The following TMEM74B variants were observed in gnomAD, a reference collection of about 807,000 sequenced individuals.
TMEM74B encodes the protein transmembrane protein 74B, also known as transmembrane protein C20orf46.
Under a neutral mutation model 6.5 loss-of-function variants are expected in TMEM74B, and 7 were observed. The observed-to-expected ratio is 1.07, with a 90% CI of 0.61 to 2.01. The LOEUF (loss-of-function observed/expected upper bound fraction) is 2.01. Among genes scored for constraint, TMEM74B ranks in the 30% most tolerant of loss-of-function variants. The pLI, the probability that TMEM74B is intolerant of heterozygous loss-of-function variation, is 0.00. For missense variants in TMEM74B, 342 were observed against 337.0 expected, an observed-to-expected ratio of 1.01 and a Z score of -0.12; for synonymous variants, 151 against 151.6, an observed-to-expected ratio of 1.00 and a Z score of 0.03.
At chr20:1,188,524 A>G (rs1171298196), upstream of TMEM74B, among the ~76,000 whole-genome samples, 1 of 149,656 alleles carries the variant, frequency 6.7e-6, no homozygotes, top group African/African-American at 2.5e-5. Flanking sequence ...CACACACTCT[A>G]CACACACACT....
chr20:1,188,965 G>A (rs2087048448), upstream of TMEM74B, among the ~76,000 whole-genome samples: 1 of 111,618 alleles, frequency 9.0e-6, no homozygotes, highest in African/African-American at 3.5e-5. Flanking sequence ...TTCCAAGAGT[G>A]TTTTATGGAA....
In TMEM74B at chr20:1,181,072, G is replaced by C. The variant is rs1431690633; in HGVS notation, c.547C>G (p.Leu183Val). The C allele has an allele frequency of 6.2e-7, 1 of 1,613,876 alleles. No individual in the cohort carries two copies. The highest frequency in any genetic ancestry group is 2.2e-5 in the East Asian group (1 of 44,870). The change falls in exon 3 of 3, where the codon CTG becomes GTG. Residue 183 changes from leucine to valine, a missense_variant. Leu to Val is a conservative substitution (Grantham distance 32). Transcript: ENST00000429036. The surrounding 1 kb of genome is among the most constrained non-coding windows in gnomAD (Gnocchi z 4.9). ...AAGAGCATGCCGCCCACCGTGAGCA[G>C]CCCGAGGCCTGCGATGATGCACCTG... is the stretch of plus-strand genomic sequence containing the variant. ...LDRCIIAGLG[L>V]LTVGGMLLSV...
At chr20:1,185,655 C>T (rs906760411), upstream of TMEM74B, among the ~76,000 whole-genome samples, 1 of 152,000 alleles carries the variant, frequency 6.6e-6, no homozygotes, top group East Asian at 1.9e-4. Flanking sequence ...ATCGCCGGCG[C>T]CTGGGCTTAG....
At chr20:1,188,036 G>T (rs1016943510), upstream of TMEM74B, among the ~76,000 whole-genome samples, 4 of 152,116 alleles carry the variant, frequency 2.6e-5, no homozygotes, top group Non-Finnish European at 2.9e-5. Context: ...TGACCCCTGA[G>T]GAGGAGGCTA....
intron 2 of TMEM74B, among the ~76,000 whole-genome samples, chr20:1,182,169 A>AG (rs767512984): frequency 1.0e-5 from 1 of 99,834 alleles, no homozygotes; most frequent in Non-Finnish European, 1.8e-5. Flanking sequence ...TTGTTGTATG[A>AG]GGGAAGGATG....
upstream of TMEM74B, among the ~76,000 whole-genome samples, chr20:1,187,587 G>C (rs77333659): frequency 1.9e-3 from 286 of 152,312 alleles, 2 homozygotes; most frequent in African/African-American, 6.5e-3. Flanking sequence ...ACCTAGTCTT[G>C]GGGATAGGAA....
chr20:1,188,222 G>A (rs534498745), upstream of TMEM74B, among the ~76,000 whole-genome samples: 6 of 143,978 alleles, frequency 4.2e-5, no homozygotes, highest in South Asian at 1.1e-3. Context: ...ACTGTCAGGC[G>A]AGAGGGCCTA....
At chr20:1,186,904 G>C (rs532616647), upstream of TMEM74B, among the ~76,000 whole-genome samples, 1 of 152,280 alleles carries the variant, frequency 6.6e-6, no homozygotes, top group East Asian at 1.9e-4. Context: ...CCCACAGCTG[G>C]GTGCCCTGGT....
In TMEM74B at chr20:1,181,402, A is replaced by G; in HGVS notation, c.217T>C (p.Phe73Leu). The G allele has an allele frequency of 6.5e-7, 1 of 1,529,462 alleles. No individual in the cohort carries two copies. The highest frequency in any genetic ancestry group is 8.8e-7 in the Non-Finnish European group (1 of 1,137,906). The allele number at this position is 1,529,462 out of a possible 1,614,324, so 94.7% of individuals were successfully genotyped here. A position where few individuals can be genotyped will look rare whatever the true frequency, so the allele number is the denominator to read the frequency against. The change falls in exon 3 of 3, where the codon TTC becomes CTC. Residue 73 changes from phenylalanine (F) to leucine (L), a missense_variant. Coordinates refer to ENST00000429036, the MANE Select transcript of TMEM74B (RefSeq NM_001304748.2). The surrounding 1 kb of genome is among the most constrained non-coding windows in gnomAD (Gnocchi z 4.9). ...AGTCTCGTGTTCCCAGGGTTCTGGA[A>G]ATGGGTCTCATGCTCCTCTGAGGAG... ...CFSSEEHETH[F>L]QNPGNTRLGS... is the part of the protein sequence containing the mutation.
upstream of TMEM74B, among the ~76,000 whole-genome samples, chr20:1,188,161 C>T (rs1246140662): frequency 1.4e-5 from 2 of 145,096 alleles, no homozygotes; most frequent in Non-Finnish European, 3.0e-5. Flanking sequence ...ATAATACACA[C>T]ACACACACAC....
At position 1,181,696 on chromosome 20, in the gene TMEM74B, T is replaced by C; in HGVS notation, c.32-109A>G. The C allele has an allele frequency of 8.0e-7, 1 of 1,245,012 alleles. No individual in the cohort carries two copies. The highest frequency in any genetic ancestry group is 1.0e-6 in the Non-Finnish European group (1 of 959,658). The allele number at this position is 1,245,012 out of a possible 1,614,324, so 77.1% of individuals were successfully genotyped here. ...AGGTGAGTCAGGCACAATTCCCACT[T>C]GGGGGTGTCTGCCAGACAGAGGGGA... is the stretch of plus-strand genomic sequence containing the variant. On this transcript the variant is annotated intron_variant, in intron 2 of 2. Coordinates refer to ENST00000429036, the MANE Select transcript of TMEM74B (RefSeq NM_001304748.2). This position sits in a 1 kb window ranked among gnomAD's most constrained non-coding sequence, Gnocchi z 4.9.
At chr20:1,186,995 C>T (rs2122699416), upstream of TMEM74B, among the ~76,000 whole-genome samples, 1 of 152,298 alleles carries the variant, frequency 6.6e-6, no homozygotes, top group Admixed American at 6.5e-5. Flanking sequence ...GGATGAGATA[C>T]CGCCTTTAAA....
At chr20:1,186,910 C>A (rs932034996), upstream of TMEM74B, among the ~76,000 whole-genome samples, 3 of 152,180 alleles carry the variant, frequency 2.0e-5, no homozygotes, top group Admixed American at 6.5e-5. Flanking sequence ...GCTGGGTGCC[C>A]TGGTGTAAAG....
chr20:1,183,730 G>A (rs1303043489), intron 2 of TMEM74B, 41 bp downstream of exon 2: 3 of 1,612,484 alleles, frequency 1.9e-6, no homozygotes, highest in Non-Finnish European at 8.5e-7. Context: ...GAGGACAGGA[G>A]TTGAATGCAG....
At chr20:1,185,956 A>ACGAT (rs2087014832), upstream of TMEM74B, 1 of 151,818 alleles carries the variant, frequency 6.6e-6, no homozygotes, top group South Asian at 2.1e-4. Flanking sequence ...AAAGAATCCG[A>ACGAT]CGATCCCCCT....
At position 1,181,579 on chromosome 20, in the gene TMEM74B, C is replaced by G. The variant is rs779686057; in HGVS notation, c.40G>C (p.Gly14Arg). Reference protein sequence around the residue: ...AQGYEFAAAKGPRDELGPSFP... With the variant: ...AQGYEFAAAKRPRDELGPSFP... The stretch of plus-strand genomic sequence containing the variant: ...GAGGGCCCCAGCTCATCCCTTGGCC[C>G]CTTGGCAGCTGGAAGAGAAAAAAGA... Residue 14 changes from glycine (G) to arginine (R), a missense_variant, in exon 3 of 3, where the codon GGG (glycine) becomes CGG (arginine). Physicochemically the swap from Gly to Arg is moderately radical, Grantham distance 125 (BLOSUM62 -2). Coordinates refer to ENST00000429036, the MANE Select transcript of TMEM74B (RefSeq NM_001304748.2). This position sits in a 1 kb window ranked among gnomAD's most constrained non-coding sequence, Gnocchi z 4.9. 1 of 1,450,446 alleles carries G rather than the reference C, an allele frequency of 6.9e-7. No individual in the cohort carries two copies. Among genetic ancestry groups the G allele is most frequent in the Admixed American group, 2.7e-5 (1 of 37,484 alleles). The allele number at this position is 1,450,446 out of a possible 1,614,324, so 89.8% of individuals were successfully genotyped here.
At chr20:1,186,964 G>T (rs2087030344), upstream of TMEM74B, among the ~76,000 whole-genome samples, 2 of 152,214 alleles carry the variant, frequency 1.3e-5, no homozygotes, top group Admixed American at 6.5e-5. Context: ...TGAAACGGAT[G>T]TAGGAAGTGT....
Position 1,181,029 on chromosome 20 carries a change from A to G in TMEM74B, c.590T>C (p.Val197Ala). ...GTACAGCTCGCCCTTGCACAGGGAG[A>G]CCATGAGCAGCACCGACAAGAGCAT... ...GGMLLSVLLM[V>A]SLCKGELYRR... is the part of the protein sequence containing the mutation. Residue 197 changes from valine to alanine, a missense_variant, in exon 3 of 3, where the codon GTC becomes GCC. Val to Ala is a moderately conservative substitution (Grantham distance 64). Transcript: ENST00000429036. The surrounding 1 kb of genome is among the most constrained non-coding windows in gnomAD (Gnocchi z 4.9). 6.2e-7 allele frequency: 1 copy of G among 1,613,434 alleles called. No homozygotes were observed. The highest frequency in any genetic ancestry group is 8.5e-7 in the Non-Finnish European group (1 of 1,179,804).
In TMEM74B at chr20:1,184,843, A is replaced by G. The variant is rs1475953795; in HGVS notation, c.-689T>C. On this transcript the variant is annotated 5_prime_UTR_variant, in exon 1 of 3. Transcript: ENST00000429036. The surrounding 1 kb of genome is among the most constrained non-coding windows in gnomAD (Gnocchi z 6.0). ...AAAGCCTTGGGGCGCGCAGATACGC[A>G]CACGCAGGTCCACGCTGTTGTACCC... Among the ~76,000 whole-genome samples, 1 of 152,228 alleles carries G rather than the reference A, an allele frequency of 6.6e-6. No homozygotes were observed. The highest frequency in any genetic ancestry group is 1.5e-5 in the Non-Finnish European group (1 of 68,040).
Sources: gnomAD v4.1 joint callset for allele counts (sites outside exome capture counted in the v4.1 genomes callset) on GRCh38, gnomAD v4.1.1 for gene constraint, Gnocchi (gnomAD v3.1) non-coding constraint, MANE v1.5 for transcripts, NCBI Gene and HGNC (gene_info 2026-07-23, HGNC 2026-07-21) for gene names.